CDH13: variants seen among roughly 807,000 people sequenced by gnomAD.
The protein encoded by CDH13 is cadherin 13, also known as cadherin-13.
CDH13 carries 24 observed loss-of-function variants against 63.8 expected under a neutral mutation model. The ratio of observed to expected loss-of-function variants is 0.38; its 90% CI spans 0.27 to 0.53. The LOEUF is 0.53. Ranked by LOEUF, CDH13 falls within the 20% of genes least tolerant of loss-of-function variation. The pLI, the probability that CDH13 is intolerant of heterozygous loss-of-function variation, is 0.85. For missense variants in CDH13, 1,049 were observed against 903.1 expected (o/e 1.16, Z -2.07); for synonymous variants, 503 against 355.3 (o/e 1.42, Z -4.67).
At chr16:82,645,203 A>T (rs1051436815) in intron 1 of CDH13, among the ~76,000 whole-genome samples, 1 of 152,100 alleles carries the variant, frequency 6.6e-6, no homozygotes, top group African/African-American at 2.4e-5. Flanking sequence ...ACCAACTGGG[A>T]GCCTGTTAGG....
chr16:82,685,679 CTG>C (rs1204707961), intron 1 of CDH13, among the ~76,000 whole-genome samples: 1 of 152,146 alleles, frequency 6.6e-6, no homozygotes, highest in Non-Finnish European at 1.5e-5. Flanking sequence ...AGTTTGCAGT[CTG>C]TGAGGGGGCC....
intron 6 of CDH13, among the ~76,000 whole-genome samples, chr16:83,374,054 C>T (rs1334223902): frequency 6.6e-6 from 1 of 152,180 alleles, no homozygotes; most frequent in South Asian, 2.1e-4. Context: ...GTGGAGGGTA[C>T]TAAGGCGTGC....
chr16:83,127,600 G>GC (rs960574665), intron 4 of CDH13, among the ~76,000 whole-genome samples: 1 of 152,060 alleles, frequency 6.6e-6, no homozygotes, highest in African/African-American at 2.4e-5. Flanking sequence ...GTCATGGCAC[G>GC]CCTGTAATCC....
At chr16:82,951,839 G>A (rs1268592197) in intron 2 of CDH13, among the ~76,000 whole-genome samples, 1 of 152,184 alleles carries the variant, frequency 6.6e-6, no homozygotes, top group African/African-American at 2.4e-5. Context: ...AGGAGGCTCA[G>A]TATATCTTCC....
intron 6 of CDH13, among the ~76,000 whole-genome samples, chr16:83,452,747 C>G (rs1327406311): frequency 6.6e-6 from 1 of 152,062 alleles, no homozygotes; most frequent in Non-Finnish European, 1.5e-5. Context: ...AGAGAAGTAC[C>G]TCGGTGAAAG....
At chr16:82,765,124 A>G (rs2151089025) in intron 1 of CDH13, among the ~76,000 whole-genome samples, 1 of 152,294 alleles carries the variant, frequency 6.6e-6, no homozygotes, top group South Asian at 2.1e-4. Flanking sequence ...TCTTTGTGGA[A>G]GCCCCTTAGC....
intron 6 of CDH13, among the ~76,000 whole-genome samples, chr16:83,347,666 C>T (rs1382175285): frequency 6.6e-6 from 1 of 152,176 alleles, no homozygotes; most frequent in Non-Finnish European, 1.5e-5. Context: ...ATCAAAGAGG[C>T]TCAGGAACTT....
At chr16:82,789,434 C>T (rs188137752) in intron 1 of CDH13, among the ~76,000 whole-genome samples, 2 of 152,182 alleles carry the variant, frequency 1.3e-5, no homozygotes, top group African/African-American at 4.8e-5. Flanking sequence ...CTCTGAATCA[C>T]ATCAAGGCGA....
chr16:83,160,685 A>T (rs1183315344), intron 4 of CDH13, among the ~76,000 whole-genome samples: 3 of 152,112 alleles, frequency 2.0e-5, no homozygotes, highest in Admixed American at 1.3e-4. Context: ...GGGAAAGAAA[A>T]GAGGGGTGAT....
At chr16:82,693,844 C>G (rs1322310167) in intron 1 of CDH13, among the ~76,000 whole-genome samples, 2 of 152,168 alleles carry the variant, frequency 1.3e-5, no homozygotes, top group Non-Finnish European at 2.9e-5. Flanking sequence ...ATTAAAATTC[C>G]AGTGAACTCT....
At chr16:83,003,071 T>C (rs1046143770) in intron 2 of CDH13, among the ~76,000 whole-genome samples, 9 of 152,184 alleles carry the variant, frequency 5.9e-5, no homozygotes, top group African/African-American at 2.2e-4. Flanking sequence ...GGTACTAGAA[T>C]AGGAATCTTA....
At chr16:83,790,694 T>C (rs1386334544) in intron 13 of CDH13, among the ~76,000 whole-genome samples, 4 of 152,090 alleles carry the variant, frequency 2.6e-5, no homozygotes, top group African/African-American at 9.7e-5. Flanking sequence ...TGAGCCACCA[T>C]GCCTGGCCCG....
chr16:82,966,124 T>G (rs1167634206), intron 2 of CDH13, among the ~76,000 whole-genome samples: 2 of 152,140 alleles, frequency 1.3e-5, no homozygotes, highest in African/African-American at 2.4e-5. Context: ...ACCTGAGAAG[T>G]AGATACTATT....
intron 2 of CDH13, among the ~76,000 whole-genome samples, chr16:82,914,309 C>T (rs1026751678): frequency 6.6e-6 from 1 of 152,128 alleles, no homozygotes; most frequent in Non-Finnish European, 1.5e-5. Context: ...TATAAACTAT[C>T]ATAACCCGTA....
At chr16:83,410,462 A>G (rs2092109376) in intron 6 of CDH13, among the ~76,000 whole-genome samples, 3 of 152,228 alleles carry the variant, frequency 2.0e-5, no homozygotes, top group Admixed American at 1.3e-4. Flanking sequence ...GATCAAGATA[A>G]TGCCAGACTC....
At chr16:83,580,011 G>A (rs1163579754) in intron 7 of CDH13, among the ~76,000 whole-genome samples, 1 of 152,112 alleles carries the variant, frequency 6.6e-6, no homozygotes, top group African/African-American at 2.4e-5. Context: ...AGAGAGCATG[G>A]CATGTTTGGC....
rs1171896192 is a variant in CDH13, at chr16:83,690,123, A to G, written c.1538+11662A>G. Among the ~76,000 whole-genome samples the G allele has an allele frequency of 2.0e-5, 3 of 152,230 alleles. No homozygotes were observed. The East Asian group carries it at 5.8e-4, about 29-fold the overall frequency. ...GGGAGGCGGAGATGGTGGTGAGCCA[A>G]GATCACGCCACTGCACTCCAGCCTA... On this transcript the variant is annotated intron_variant, in intron 10 of 13. Coordinates refer to ENST00000567109, the MANE Select transcript of CDH13 (RefSeq NM_001257.5).
At chr16:83,597,137 C>G (rs184378776) in intron 7 of CDH13, among the ~76,000 whole-genome samples, 162 of 152,200 alleles carry the variant, frequency 1.1e-3, no homozygotes, top group Non-Finnish European at 1.6e-4. Context: ...TTGGGAGGAT[C>G]TCTTGAGCCT....
intron 2 of CDH13, among the ~76,000 whole-genome samples, chr16:83,015,673 GTA>G (rs1240181770): frequency 0.039 from 1,567 of 39,810 alleles, 30 homozygotes; most frequent in South Asian, 0.056. Context: ...GTGTGTGTGT[GTA>G]TGTATATATA....
Sources: allele counts gnomAD v4.1 joint callset (sites outside exome capture counted in the v4.1 genomes callset), GRCh38; gene constraint gnomAD v4.1.1; transcripts MANE v1.5; gene names NCBI Gene and HGNC (gene_info 2026-07-23, HGNC 2026-07-21).